The following RPH3AL variants were observed in gnomAD, a reference collection of about 807,000 sequenced individuals.
RPH3AL encodes the protein rab effector Noc2.
In RPH3AL, 38 loss-of-function variants were observed where a neutral mutation model predicts 43.1. The observed-to-expected ratio is 0.88, with a 90% CI of 0.68 to 1.15. RPH3AL has a LOEUF of 1.15. Ranked by LOEUF, RPH3AL falls within the 50% of genes most tolerant of loss-of-function variation. The pLI is 0.00. For missense variants in RPH3AL, 462 were observed against 423.2 expected (o/e 1.09, Z -0.81); for synonymous variants, 189 against 176.3 (o/e 1.07, Z -0.57).
chr17:226,699 A>G (rs1162759193), intron 7 of RPH3AL, among the ~76,000 whole-genome samples: 2 of 152,134 alleles, frequency 1.3e-5, no homozygotes, highest in East Asian at 3.9e-4. Flanking sequence ...TCCTCCCTCC[A>G]TTGAAATGTC....
At chr17:321,496 C>T (rs776988620) in intron 3 of RPH3AL, 81 bp from the exon 4 acceptor site, 287 of 1,418,418 alleles carry the variant, frequency 2.0e-4, no homozygotes, top group Non-Finnish European at 2.5e-4. Context: ...ACCAAGCCCC[C>T]CCGAGAACAG....
intron 6 of RPH3AL, among the ~76,000 whole-genome samples, chr17:248,553 G>A (rs543982953): frequency 1.3e-5 from 2 of 152,326 alleles, no homozygotes; most frequent in South Asian, 4.1e-4. Flanking sequence ...AAGGCTGGCA[G>A]AGCCCCAGGA....
intron 6 of RPH3AL, among the ~76,000 whole-genome samples, chr17:253,562 T>G (rs553989881): frequency 6.6e-6 from 1 of 152,134 alleles, no homozygotes; most frequent in Non-Finnish European, 1.5e-5. Flanking sequence ...ACGTATCACC[T>G]GAAGTGCAAC....
intron 1 of RPH3AL, among the ~76,000 whole-genome samples, chr17:341,783 A>G (rs1390825182): frequency 6.6e-6 from 1 of 152,178 alleles, no homozygotes. Context: ...CCTGGGCTCA[A>G]GTTGTCCTCC....
In RPH3AL at chr17:322,731, C is replaced by A. The variant is rs1414532781; in HGVS notation, c.78-1316G>T. ...GGGGGCCCCCTGACACAAGATGGGC[C>A]CCGGTGGTCTCATGTCCTGCCTGGT... On this transcript the variant is annotated intron_variant, in intron 3 of 9. Transcript: ENST00000331302. This position sits in a 1 kb window ranked among gnomAD's most constrained non-coding sequence, Gnocchi z 4.0. Among the ~76,000 whole-genome samples the A allele has an allele frequency of 6.6e-6, 1 of 152,004 alleles. No homozygotes were observed. Among genetic ancestry groups the A allele is most frequent in the Non-Finnish European group, 1.5e-5 (1 of 68,000 alleles).
At chr17:302,491 G>A (rs1037190712) in intron 5 of RPH3AL, among the ~76,000 whole-genome samples, 1 of 152,220 alleles carries the variant, frequency 6.6e-6, no homozygotes, top group African/African-American at 2.4e-5. Context: ...GTCTGTGTGC[G>A]GTGCGGGGAG....
chr17:218,451 C>T (rs868963092), intron 8 of RPH3AL, among the ~76,000 whole-genome samples: 154 of 151,882 alleles, frequency 1.0e-3, no homozygotes, highest in African/African-American at 3.5e-3. Context: ...TCTTCTTCTG[C>T]ACTAAAATTG....
In RPH3AL at chr17:273,091, G is replaced by A. The variant is rs111574572; in HGVS notation, c.438+8677C>T. On this transcript the variant is annotated intron_variant, in intron 6 of 9. Coordinates refer to ENST00000331302, the MANE Select transcript of RPH3AL (RefSeq NM_006987.4). Reference sequence around the variant, plus strand: ...GGCGACGTCAGGGAGAGACCCCAGCGAGGGTGACGTCAGGGAGAGACCCCA... The same window carrying A: ...GGCGACGTCAGGGAGAGACCCCAGCAAGGGTGACGTCAGGGAGAGACCCCA... Among the ~76,000 whole-genome samples the A allele has an allele frequency of 5.4e-3, 411 of 76,560 alleles. 2 individuals are homozygous for A. The highest frequency in any genetic ancestry group is 0.017 in the African/African-American group (352 of 20,512). The allele number at this position is 76,560 out of a possible 152,430, so 50.2% of individuals were successfully genotyped here.
intron 7 of RPH3AL, among the ~76,000 whole-genome samples, chr17:223,256 C>A (rs545483270): frequency 6.6e-6 from 1 of 152,066 alleles, no homozygotes; most frequent in East Asian, 1.9e-4. Flanking sequence ...CTCTTTTCTG[C>A]CTCTTTCCAT....
chr17:313,706 G>C (rs2043714185), intron 5 of RPH3AL, among the ~76,000 whole-genome samples: 1 of 152,208 alleles, frequency 6.6e-6, no homozygotes. Context: ...CAACAGGGTG[G>C]ACTGTGTCCA....
chr17:307,046 C>T (rs1260483007), intron 5 of RPH3AL, among the ~76,000 whole-genome samples: 1 of 152,238 alleles, frequency 6.6e-6, no homozygotes, highest in East Asian at 1.9e-4. Context: ...GGGGGCCTCC[C>T]CCACCTCCCC....
At chr17:269,177 C>G (rs887729660) in intron 6 of RPH3AL, among the ~76,000 whole-genome samples, 2 of 151,942 alleles carry the variant, frequency 1.3e-5, no homozygotes, top group South Asian at 4.2e-4. Flanking sequence ...CGTGCCTGGC[C>G]GATTTTTTAT....
rs139285084 is a variant in RPH3AL, at chr17:321,878, C to T, written c.78-463G>A. Among the ~76,000 whole-genome samples the T allele has an allele frequency of 2.9e-3, 438 of 152,242 alleles. 2 individuals are homozygous for T. The highest frequency in any genetic ancestry group is 9.7e-3 in the African/African-American group (405 of 41,548). ...CCAGAAACACAGAATGTGACGCTCA[C>T]GTACACAGAGAAGGCCAAGGTCACA... On this transcript the variant is annotated intron_variant, in intron 3 of 9. Transcript: ENST00000331302.
At chr17:282,162 G>A (rs1220905982) in intron 5 of RPH3AL, among the ~76,000 whole-genome samples, 4 of 152,214 alleles carry the variant, frequency 2.6e-5, no homozygotes, top group African/African-American at 4.8e-5. Context: ...CAACACAGAC[G>A]CCCAATGCCA....
rs1567636172 is a variant in RPH3AL, at chr17:309,569, C to CCCCGTCCAGGGCT, written c.351+9850_351+9851insAGCCCTGGACGGG. ...CTGGGGGTCCGGGATATGGCACGTC[C>CCCCGTCCAGGGCT]CCTGCCCTGCCCCAGGCTCCTGCCA... is the stretch of plus-strand genomic sequence containing the variant. On this transcript the variant is annotated intron_variant, in intron 5 of 9. Transcript: ENST00000331302. Among the ~76,000 whole-genome samples, 432 of 101,690 alleles carry CCCCGTCCAGGGCT rather than the reference C, an allele frequency of 4.2e-3. 156 individuals are homozygous for CCCCGTCCAGGGCT. The highest frequency in any genetic ancestry group is 0.022 in the East Asian group (61 of 2,722). The allele number at this position is 101,690 out of a possible 152,430, so 66.7% of individuals were successfully genotyped here.
Position 327,507 on chromosome 17 carries a change from A to T in RPH3AL, c.37T>A (p.Trp13Arg). 1 of 1,614,004 alleles carries T rather than the reference A, an allele frequency of 6.2e-7. No individual in the cohort carries two copies. ...AGCTGCCGGTCATTGGGGCAAACCC[A>T]CTGATCATTCCCGCTGCCGAAGATG... ...DTIFGSGNDQ[W>R]VCPNDRQLAL... is the part of the protein sequence containing the mutation. Residue 13 changes from tryptophan (W) to arginine (R), a missense_variant, in exon 3 of 10, where the codon TGG (tryptophan) becomes AGG (arginine). Coordinates refer to ENST00000331302, the MANE Select transcript of RPH3AL (RefSeq NM_006987.4).
intron 5 of RPH3AL, among the ~76,000 whole-genome samples, chr17:288,889 T>A (rs867372891): frequency 5.0e-5 from 5 of 99,418 alleles, no homozygotes; most frequent in African/African-American, 1.9e-4. Context: ...CAGACCTCAC[T>A]CCCTCTCTCT....
chr17:244,831 A>G (rs1555539067), intron 7 of RPH3AL, among the ~76,000 whole-genome samples: 1 of 152,178 alleles, frequency 6.6e-6, no homozygotes, highest in African/African-American at 2.4e-5. Flanking sequence ...GCGCATGTGC[A>G]TGGGAGTATG....
At chr17:247,848 A>G (rs566423466) in intron 6 of RPH3AL, among the ~76,000 whole-genome samples, 2 of 152,284 alleles carry the variant, frequency 1.3e-5, no homozygotes, top group South Asian at 4.1e-4. Flanking sequence ...TAGTGACAGG[A>G]AGCCCACAAG....
Sources: allele counts gnomAD v4.1 joint callset (sites outside exome capture counted in the v4.1 genomes callset), GRCh38; gene constraint gnomAD v4.1.1; non-coding constraint Gnocchi (gnomAD v3.1); transcripts MANE v1.5; gene names NCBI Gene and HGNC (gene_info 2026-07-23, HGNC 2026-07-21).